Variants in CBLN1 observed in about 807,000 individuals in gnomAD.
CBLN1 encodes the protein cerebellin-1.
Under a neutral mutation model 15.9 loss-of-function variants are expected in CBLN1, and 5 were observed. The observed-to-expected ratio is 0.31, with a 90% confidence interval of 0.16 to 0.66. The LOEUF (loss-of-function observed/expected upper bound fraction) is 0.66. Among genes scored for constraint, CBLN1 ranks in the 30% least tolerant of loss-of-function variants. The probability of loss-of-function intolerance (pLI) is 0.75; values close to 1 mark genes in which losing one functional copy is unlikely to be tolerated. For missense variants in CBLN1, 164 were observed against 253.7 expected (o/e 0.65, Z 2.40); for synonymous variants, 90 against 107.6 (o/e 0.84, Z 1.01).
chr16:49,280,867 CCT>C (rs1215191730), intron 2 of CBLN1, 54 bp downstream of exon 2: 1 of 1,610,668 alleles, frequency 6.2e-7, no homozygotes, highest in Non-Finnish European at 8.5e-7. Context: ...CCCGAGCACC[CCT>C]GAGGCCAGTA....
rs940719648 is a variant in CBLN1 at position 49,281,692 on chromosome 16, C to G, written c.-227G>C. ...GAGCCCCTCCCGGGCCTCAGGGGTG[C>G]CGCGGCTGCCCAGCCGCACTTGGAT... On this transcript the variant is annotated 5_prime_UTR_variant, in exon 1 of 3. Transcript: ENST00000219197. 2 of 383,858 alleles carry G rather than the reference C, an allele frequency of 5.2e-6. No individual in the cohort carries two copies. Among genetic ancestry groups the G allele is most frequent in the African/African-American group, 4.2e-5 (2 of 47,392 alleles). 23.8% of individuals were successfully genotyped at this position (383,858 alleles called of 1,614,324 possible).
At chr16:49,279,986 AAC>A (rs1963241821) in intron 2 of CBLN1, among the ~76,000 whole-genome samples, 3 of 151,974 alleles carry the variant, frequency 2.0e-5, no homozygotes, top group African/African-American at 7.3e-5. Flanking sequence ...ACAAACAACA[AAC>A]AAAAAAAACC....
chr16:49,281,695 C>T lies in CBLN1; in HGVS notation c.-230G>A. 2 of 382,832 alleles carry T rather than the reference C, an allele frequency of 5.2e-6. No individual in the cohort carries two copies. Among genetic ancestry groups the T allele is most frequent in the Non-Finnish European group, 9.2e-6 (2 of 217,944 alleles). The allele number at this position is 382,832 out of a possible 1,614,324, so 23.7% of individuals were successfully genotyped here. On this transcript the variant is annotated 5_prime_UTR_variant, in exon 1 of 3. Transcript: ENST00000219197. ...CCCCTCCCGGGCCTCAGGGGTGCCG[C>T]GGCTGCCCAGCCGCACTTGGATGCA...
Position 49,278,033 on chromosome 16 carries a change from G to A in CBLN1, c.*1371C>T, listed in dbSNP as rs929737651. ...AGTCCTGTGAATGAGCGGAATCATA[G>A]GTCCTGGGCGCCCGAGTATGCGGCG... On this transcript the variant is annotated 3_prime_UTR_variant, in exon 3 of 3. Coordinates refer to ENST00000219197, the MANE Select transcript of CBLN1 (RefSeq NM_004352.4). 3.9e-5 allele frequency: 6 copies of A among 152,224 alleles called. No homozygotes were observed. Among genetic ancestry groups the A allele is most frequent in the African/African-American group, 1.4e-4 (6 of 41,450 alleles). The allele number at this position is 152,224 out of a possible 1,614,324, so 9.4% of individuals were successfully genotyped here. A position where few individuals can be genotyped will look rare whatever the true frequency, so the allele number is the denominator to read the frequency against.
rs1963309331 is a variant in CBLN1 at position 49,281,730 on chromosome 16, C to T, written c.-265G>A. ...GCCGCACTTGGATGCATAGCCGCTGCTGCTCGGTCCCGCTGCTGCCGCCGC... is the reference window on the plus strand; with the variant it reads ...GCCGCACTTGGATGCATAGCCGCTGTTGCTCGGTCCCGCTGCTGCCGCCGC... On this transcript the variant is annotated 5_prime_UTR_variant, in exon 1 of 3. Coordinates refer to ENST00000219197, the MANE Select transcript of CBLN1 (RefSeq NM_004352.4). The T allele has an allele frequency of 2.7e-6, 1 of 365,334 alleles. No homozygotes were observed. Among genetic ancestry groups the T allele is most frequent in the Non-Finnish European group, 4.8e-6 (1 of 206,204 alleles). 22.6% of individuals were successfully genotyped at this position (365,334 alleles called of 1,614,324 possible).
chr16:49,280,297 C>T (rs1471426867), intron 2 of CBLN1, among the ~76,000 whole-genome samples: 1 of 152,202 alleles, frequency 6.6e-6, no homozygotes, highest in Admixed American at 6.5e-5. Context: ...CCAAGGGAAA[C>T]CTGGACATCT....
Position 49,281,053 on chromosome 16 carries a change from A to G in CBLN1, c.265-11T>C. The G allele has an allele frequency of 6.2e-7, 1 of 1,614,234 alleles. No individual in the cohort carries two copies. Among genetic ancestry groups the G allele is most frequent in the African/African-American group, 1.3e-5 (1 of 75,072 alleles). On this transcript the variant is annotated splice_polypyrimidine_tract_variant and intron_variant, in intron 1 of 2. Transcript: ENST00000219197. ...AATGTTCACTAGTACCTATAACGAG[A>G]CGGGAACGAAGGGGAGTGGGCAGGA...
rs1963225251 is a variant in CBLN1, at chr16:49,278,708, T to C, written c.*696A>G. 6.6e-6 allele frequency: 1 copy of C among 152,202 alleles called. No individual in the cohort carries two copies. The highest frequency in any genetic ancestry group is 6.5e-5 in the Admixed American group (1 of 15,278). The allele number at this position is 152,202 out of a possible 1,614,324, so 9.4% of individuals were successfully genotyped here. On this transcript the variant is annotated 3_prime_UTR_variant, in exon 3 of 3. Coordinates refer to ENST00000219197, the MANE Select transcript of CBLN1 (RefSeq NM_004352.4). ...CCTTAGATTTCACGATCACTCCGAATAGAACATAGAAATACGGAAACACAG... is the reference window on the plus strand; with the variant it reads ...CCTTAGATTTCACGATCACTCCGAACAGAACATAGAAATACGGAAACACAG...
chr16:49,279,532 C>T lies in CBLN1; in HGVS notation c.454G>A (p.Ala152Thr). The change falls in exon 3 of 3, where the codon GCC becomes ACC. Residue 152 changes from alanine (A) to threonine (T), a missense_variant. Around this residue, in one of 3 missense-constraint regions of CBLN1, gnomAD observed 8 missense variants for 35.9 expected, o/e 0.22. Transcript: ENST00000219197. ...TGGATTAGGACTCCGTTGCTGGCGG[C>T]CTCCCGGGTCACGTCCTGGTCACCA... is the stretch of plus-strand genomic sequence containing the variant. Reference protein sequence around the residue: ...FAGDQDVTREAASNGVLIQME... With the variant: ...FAGDQDVTRETASNGVLIQME... 1.2e-6 allele frequency: 2 copies of T among 1,614,204 alleles called. No homozygotes were observed. Among genetic ancestry groups the T allele is most frequent in the Non-Finnish European group, 1.7e-6 (2 of 1,180,042 alleles).
At chr16:49,280,056 C>G (rs955416379) in intron 2 of CBLN1, among the ~76,000 whole-genome samples, 1 of 152,180 alleles carries the variant, frequency 6.6e-6, no homozygotes, top group African/African-American at 2.4e-5. Context: ...AAACAAAAAG[C>G]CCCTGATCCC....
intron 1 of CBLN1, 64 bp downstream of exon 1, chr16:49,281,138 G>T (rs751117362): frequency 6.2e-7 from 1 of 1,613,954 alleles, no homozygotes; most frequent in Non-Finnish European, 8.5e-7. Context: ...ACCGGGCATC[G>T]GTCTTCCATC....
In CBLN1 at chr16:49,279,399, G is replaced by A; in HGVS notation, c.*5C>T. The A allele has an allele frequency of 1.2e-6, 2 of 1,613,740 alleles. No individual in the cohort carries two copies. The highest frequency in any genetic ancestry group is 1.7e-6 in the Non-Finnish European group (2 of 1,179,696). On this transcript the variant is annotated 3_prime_UTR_variant, in exon 3 of 3. Coordinates refer to ENST00000219197, the MANE Select transcript of CBLN1 (RefSeq NM_004352.4). ...CTCCCTGCCTCCCTTCCGGCTACGA[G>A]CCAGTCAGAGAGGAAACACCAGGAA...
At position 49,279,978 on chromosome 16, in the gene CBLN1, AAAC is replaced by A. The variant is rs149582938; in HGVS notation, c.385-380_385-378del. Among the ~76,000 whole-genome samples the A allele has an allele frequency of 4.6e-3, 704 of 152,230 alleles. 3 individuals are homozygous for A. The highest frequency in any genetic ancestry group is 0.015 in the African/African-American group (617 of 41,542). On this transcript the variant is annotated intron_variant, in intron 2 of 2. Coordinates refer to ENST00000219197, the MANE Select transcript of CBLN1 (RefSeq NM_004352.4). ...CCGTTTCCCCTCAGCCTCAAAAAAC[AAAC>A]AACAAACAAAAAAAACCCAGCAACT...
In CBLN1 at chr16:49,281,526, C is replaced by G. The variant is rs938626650; in HGVS notation, c.-61G>C. On this transcript the variant is annotated 5_prime_UTR_variant, in exon 1 of 3. Transcript: ENST00000219197. ...GGGCTGCTCGCGCCAGCCGCCCCCCCCGTCCCAGTCCCGCTCCGAAGCCCC... is the reference window on the plus strand; with the variant it reads ...GGGCTGCTCGCGCCAGCCGCCCCCCGCGTCCCAGTCCCGCTCCGAAGCCCC... The G allele has an allele frequency of 4.0e-5, 49 of 1,209,886 alleles. No homozygotes were observed. The Admixed American group carries it at 1.0e-3, about 25-fold the overall frequency. The allele number at this position is 1,209,886 out of a possible 1,614,324, so 74.9% of individuals were successfully genotyped here. A position where few individuals can be genotyped will look rare whatever the true frequency, so the allele number is the denominator to read the frequency against.
intron 2 of CBLN1, 125 bp from the exon 3 acceptor site, chr16:49,279,726 T>TGGGGTGGG: frequency 4.8e-6 from 1 of 208,792 alleles, no homozygotes; most frequent in Non-Finnish European, 9.1e-6. Context: ...AGGTGGGGGG[T>TGGGGTGGG]GGGGGGGGCG....
Position 49,279,236 on chromosome 16 carries a change from G to A in CBLN1, c.*168C>T, listed in dbSNP as rs909972147. 1.6e-6 allele frequency: 1 copy of A among 639,278 alleles called. No homozygotes were observed. Among genetic ancestry groups the A allele is most frequent in the Non-Finnish European group, 2.7e-6 (1 of 367,726 alleles). The allele number at this position is 639,278 out of a possible 1,614,324, so 39.6% of individuals were successfully genotyped here. ...AATTTATTTCTCCTAATAAGGAAATGGACAAAGTTGTCCCACAGCTGGCGC... is the reference window on the plus strand; with the variant it reads ...AATTTATTTCTCCTAATAAGGAAATAGACAAAGTTGTCCCACAGCTGGCGC... On this transcript the variant is annotated 3_prime_UTR_variant, in exon 3 of 3. Transcript: ENST00000219197.
At chr16:49,281,156 C>A in intron 1 of CBLN1, 46 bp downstream of exon 1, 3 of 1,614,160 alleles carry the variant, frequency 1.9e-6, no homozygotes, top group Non-Finnish European at 2.5e-6. Flanking sequence ...ATCCATCCCT[C>A]CTTCACCAGC....
chr16:49,281,600 C>A lies in CBLN1; in HGVS notation c.-135G>T. On this transcript the variant is annotated 5_prime_UTR_variant, in exon 1 of 3. Transcript: ENST00000219197. The stretch of plus-strand genomic sequence containing the variant: ...CGCCGCCGCCGCTCTGGACACTACA[C>A]CTCTTCCTCGCACTCCGGGACTAGC... 4.2e-6 allele frequency: 2 copies of A among 481,856 alleles called. No homozygotes were observed. The highest frequency in any genetic ancestry group is 3.3e-6 in the Non-Finnish European group (1 of 300,468). 29.8% of individuals were successfully genotyped at this position (481,856 alleles called of 1,614,324 possible).
chr16:49,280,113 G>T (rs2151232860), intron 2 of CBLN1, among the ~76,000 whole-genome samples: 1 of 152,294 alleles, frequency 6.6e-6, no homozygotes, highest in Non-Finnish European at 1.5e-5. Flanking sequence ...ACTGTGATTT[G>T]TGATTAGAAG....
Sources: allele counts gnomAD v4.1 joint callset (sites outside exome capture counted in the v4.1 genomes callset), GRCh38; gene constraint gnomAD v4.1.1; regional missense constraint gnomAD v4.1.1; transcripts MANE v1.5; gene names NCBI Gene and HGNC (gene_info 2026-07-23, HGNC 2026-07-21).